Variants in NGDN observed in about 807,000 individuals in gnomAD.
NGDN encodes the protein EIF4E-binding protein.
A neutral mutation model predicts 45.2 loss-of-function variants in NGDN; 41 were observed. The ratio of observed to expected loss-of-function variants is 0.91; its 90% CI spans 0.71 to 1.18. The LOEUF is 1.18. Among genes scored for constraint, NGDN ranks in the 50% most tolerant of loss-of-function variants. The pLI, the probability that NGDN is intolerant of heterozygous loss-of-function variation, is 0.00. For synonymous variants in NGDN, 137 were observed against 130.9 expected (o/e 1.05, Z -0.32); for missense variants, 402 against 399.9 (o/e 1.01, Z -0.05).
rs572711332 is a variant in NGDN, at chr14:23,476,023, T to G, written c.421-6T>G. 73 of 1,614,172 alleles carry G rather than the reference T, an allele frequency of 4.5e-5. 1 individual carries two copies. In the South Asian group the frequency reaches 8.0e-4, roughly 18 times the overall value. On this transcript the variant is annotated splice_region_variant and splice_polypyrimidine_tract_variant and intron_variant, in intron 6 of 10. Coordinates refer to ENST00000408901, the MANE Select transcript of NGDN (RefSeq NM_001042635.2). ...CCTAAATTTGCAGACATTGTTTCTTTTGTAGTTGAGCTCTGAGGATGAGGA... is the reference window on the plus strand; with the variant it reads ...CCTAAATTTGCAGACATTGTTTCTTGTGTAGTTGAGCTCTGAGGATGAGGA...
Position 23,478,061 on chromosome 14 carries a change from C to A in NGDN, c.*35C>A, listed in dbSNP as rs777247308. 1.3e-6 allele frequency: 2 copies of A among 1,595,936 alleles called. No homozygotes were observed. The highest frequency in any genetic ancestry group is 2.2e-5 in the South Asian group (2 of 90,706). ...TACATATTTGTATATTTTTTGTCAT[C>A]CTGAGATACTTCTAATTTCATTGTA... is the stretch of plus-strand genomic sequence containing the variant. On this transcript the variant is annotated 3_prime_UTR_variant, in exon 11 of 11. Coordinates refer to ENST00000408901, the MANE Select transcript of NGDN (RefSeq NM_001042635.2).
intron 3 of NGDN, among the ~76,000 whole-genome samples, chr14:23,472,697 A>G (rs1006312679): frequency 6.6e-5 from 10 of 152,182 alleles, no homozygotes; most frequent in Admixed American, 2.0e-4. Context: ...CAAATATTCT[A>G]TGGGTAAATA....
chr14:23,471,062 C>T (rs1478101237), intron 3 of NGDN, 85 bp downstream of exon 3: 3 of 896,648 alleles, frequency 3.3e-6, no homozygotes, highest in Non-Finnish European at 4.9e-6. Context: ...TCTTATATAT[C>T]CTAAGTGCTC....
chr14:23,477,702 T>C (rs985709504), intron 10 of NGDN, 142 bp downstream of exon 10: 1 of 1,476,042 alleles, frequency 6.8e-7, no homozygotes, highest in African/African-American at 1.4e-5. Flanking sequence ...GGTGGGCTTT[T>C]ATTTTTTGCT....
At chr14:23,473,682 A>AT (rs1893835399) in intron 3 of NGDN, among the ~76,000 whole-genome samples, 1 of 152,092 alleles carries the variant, frequency 6.6e-6, no homozygotes, top group South Asian at 2.1e-4. Context: ...AAAGATTTAA[A>AT]TTTTTTTTAA....
Position 23,469,706 on chromosome 14 carries a change from C to G in NGDN, c.-10C>G. 1 of 1,614,134 alleles carries G rather than the reference C, an allele frequency of 6.2e-7. No homozygotes were observed. The highest frequency in any genetic ancestry group is 8.5e-7 in the Non-Finnish European group (1 of 1,180,008). On this transcript the variant is annotated 5_prime_UTR_variant, in exon 1 of 11. Transcript: ENST00000408901. Reference sequence around the variant, plus strand: ...GAAGTACGACACCGGAAGGGGTGGGCTTTGCGAAGATGGCGGCGCTGGTGA... The same window carrying G: ...GAAGTACGACACCGGAAGGGGTGGGGTTTGCGAAGATGGCGGCGCTGGTGA...
At chr14:23,478,817 A>AG (rs1893966489), downstream of NGDN, 1 of 150,312 alleles carries the variant, frequency 6.7e-6, no homozygotes. Flanking sequence ...AAAAAAAAAA[A>AG]AAAAAAAAAT....
chr14:23,471,075 GC>G (rs1893767470), intron 3 of NGDN, 98 bp downstream of exon 3: 16 of 759,974 alleles, frequency 2.1e-5, no homozygotes, highest in Non-Finnish European at 3.2e-5. Flanking sequence ...AAGTGCTCGA[GC>G]TTCAAACATA....
At position 23,476,061 on chromosome 14, in the gene NGDN, A is replaced by G. The variant is rs370863157; in HGVS notation, c.453A>G (p.Ala151=). The part of the protein sequence containing the change: ...LSSEDEEEDE[A]EDDQSEASGK... ...CTGAGGATGAGGAGGAAGATGAAGC[A>G]GAAGATGACCAGTCTGAGGCTTCAG... The change falls in exon 7 of 11, where the codon GCA becomes GCG. Residue 151 remains alanine (A), a synonymous_variant. Coordinates refer to ENST00000408901, the MANE Select transcript of NGDN (RefSeq NM_001042635.2). The G allele has an allele frequency of 2.7e-5, 43 of 1,614,080 alleles. No individual in the cohort carries two copies. The African/African-American group carries it at 5.2e-4, about 20-fold the overall frequency.
At chr14:23,477,617 G>A (rs2138727492) in intron 10 of NGDN, 57 bp downstream of exon 10, 1 of 1,608,936 alleles carries the variant, frequency 6.2e-7, no homozygotes. Context: ...TACAAATTGA[G>A]TCTCTTTGGA....
chr14:23,475,282 GT>G lies in NGDN; in HGVS notation c.260del (p.Leu87Ter). 3 of 1,613,488 alleles carry G rather than the reference GT, an allele frequency of 1.9e-6. No individual in the cohort carries two copies. Among genetic ancestry groups the G allele is most frequent in the Non-Finnish European group, 2.5e-6 (3 of 1,179,774 alleles). On this transcript the variant is annotated frameshift_variant, in exon 4 of 11. Transcript: ENST00000408901. LOFTEE classifies it high-confidence loss of function. ...SGGSLQGHDA[V>X]LRLVEIRTVL... ...AGGATCTCTTCAGGGACATGATGCA[GT>G]TTTGAGACTGGTGGAGATTCGCACG...
Position 23,470,912 on chromosome 14 carries a change from G to A in NGDN, c.79G>A (p.Ala27Thr). The A allele has an allele frequency of 6.4e-7, 1 of 1,569,788 alleles. No individual in the cohort carries two copies. The highest frequency in any genetic ancestry group is 8.6e-7 in the Non-Finnish European group (1 of 1,163,010). Reference protein sequence around the residue: ...LLKNLQEQVMAVTAQVKSLTQ... With the variant: ...LLKNLQEQVMTVTAQVKSLTQ... The stretch of plus-strand genomic sequence containing the variant: ...TTATTTGGGCTAATTTCAGGTGATG[G>A]CTGTAACTGCACAAGTGAAATCACT... The change falls in exon 3 of 11, where the codon GCT (alanine) becomes ACT (threonine). Residue 27 changes from alanine to threonine, a missense_variant. Ala to Thr is a moderately conservative substitution (Grantham distance 58). Coordinates refer to ENST00000408901, the MANE Select transcript of NGDN (RefSeq NM_001042635.2).
chr14:23,472,370 C>T (rs1893801718), intron 3 of NGDN, among the ~76,000 whole-genome samples: 1 of 151,726 alleles, frequency 6.6e-6, no homozygotes, highest in African/African-American at 2.4e-5. Context: ...GTGGCGTGTG[C>T]CTGTCTGTAA....
chr14:23,470,476 G>A (rs1463766633), intron 2 of NGDN, among the ~76,000 whole-genome samples: 2 of 152,156 alleles, frequency 1.3e-5, no homozygotes, highest in African/African-American at 2.4e-5. Context: ...CTCATAAGTC[G>A]AAATTTAGGC....
At chr14:23,472,044 G>T (rs1364119548) in intron 3 of NGDN, among the ~76,000 whole-genome samples, 1 of 151,600 alleles carries the variant, frequency 6.6e-6, no homozygotes, top group Non-Finnish European at 1.5e-5. Context: ...AATTAGCTGG[G>T]CGCAGTGGTG....
At chr14:23,472,991 T>C (rs2138722102) in intron 3 of NGDN, among the ~76,000 whole-genome samples, 1 of 152,134 alleles carries the variant, frequency 6.6e-6, no homozygotes, top group Admixed American at 6.5e-5. Context: ...CTGGGTACCA[T>C]GCTTTTTTGT....
rs1893738881 is a variant in NGDN at position 23,470,089 on chromosome 14, T to C, written c.60T>C (p.Asn20=). 2.5e-6 allele frequency: 4 copies of C among 1,613,762 alleles called. No homozygotes were observed. The Admixed American group carries it at 5.0e-5, about 20-fold the overall frequency. ...CAAGTGCCGTGACACTTCTGAAAAA[T>C]CTCCAGGAGCAAGTGAGTAGTGTCG... The part of the protein sequence containing the change: ...DLPSAVTLLK[N]LQEQVMAVTA... Residue 20 remains asparagine, a synonymous_variant, in exon 2 of 11, where the codon AAT becomes AAC. Coordinates refer to ENST00000408901, the MANE Select transcript of NGDN (RefSeq NM_001042635.2).
Position 23,476,231 on chromosome 14 carries a change from T to C in NGDN, c.545-8T>C, listed in dbSNP as rs1893899240. On this transcript the variant is annotated splice_region_variant and splice_polypyrimidine_tract_variant and intron_variant, in intron 7 of 10. Transcript: ENST00000408901. ...TCTTGGATAACCCTGCTTATTTTCATCATGTAGATGAAACAGAAGCTGAGC... is the reference window on the plus strand; with the variant it reads ...TCTTGGATAACCCTGCTTATTTTCACCATGTAGATGAAACAGAAGCTGAGC... 4 of 1,613,824 alleles carry C rather than the reference T, an allele frequency of 2.5e-6. No individual in the cohort carries two copies. The East Asian group carries it at 6.7e-5, about 27-fold the overall frequency.
At chr14:23,478,239 G>C (rs898088026), downstream of NGDN, 2 of 459,752 alleles carry the variant, frequency 4.4e-6, no homozygotes, top group Non-Finnish European at 7.6e-6. Context: ...TTTTTGGTGA[G>C]TGGTTGGTGA....
Sources: allele counts gnomAD v4.1 joint callset (sites outside exome capture counted in the v4.1 genomes callset), GRCh38; gene constraint gnomAD v4.1.1; transcripts MANE v1.5; gene names NCBI Gene and HGNC (gene_info 2026-07-23, HGNC 2026-07-21).